Variants in SACS observed in about 807,000 individuals in gnomAD.
SACS encodes sacsin.
A neutral mutation model predicts 348.0 loss-of-function variants in SACS; 197 were observed. The observed-to-expected ratio is 0.57, with a 90% CI of 0.50 to 0.64. The LOEUF is 0.64. Among genes scored for constraint, SACS ranks in the 30% least tolerant of loss-of-function variants. The pLI is 0.00. For missense variants in SACS, 4,999 were observed against 5,360.8 expected (o/e 0.93, Z 2.11); for synonymous variants, 1,985 against 1,910.6 (o/e 1.04, Z -1.02).
chr13:23,354,495 G>C (rs765493138), intron 8 of SACS, 24 bp downstream of exon 8: 1 of 1,604,054 alleles, frequency 6.2e-7, no homozygotes. Flanking sequence ...GAGTGAACAG[G>C]AATGTTAGAA....
intron 2 of SACS, among the ~76,000 whole-genome samples, chr13:23,405,684 A>C (rs1593175904): frequency 6.6e-6 from 1 of 152,186 alleles, no homozygotes; most frequent in African/African-American, 2.4e-5. Context: ...AAGGAACTTA[A>C]ACAAATCTAC....
In SACS at chr13:23,337,753, G is replaced by C; in HGVS notation, c.6123C>G (p.Gly2041=). Residue 2041 remains glycine, a synonymous_variant, in exon 10 of 10, where the codon GGC becomes GGG. Coordinates refer to ENST00000382292, the MANE Select transcript of SACS (RefSeq NM_014363.6). ...SSVKLGFEEA[G]CKQILLENTF... ...TGTTTTCAAGTAGTATCTGTTTGCA[G>C]CCAGCTTCTTCAAATCCTAATTTTA... The C allele has an allele frequency of 6.2e-7, 1 of 1,613,892 alleles. No individual in the cohort carries two copies. Among genetic ancestry groups the C allele is most frequent in the Non-Finnish European group, 8.5e-7 (1 of 1,179,950 alleles).
At chr13:23,362,581 C>CTTTTTTTTT (rs34351648) in intron 6 of SACS, among the ~76,000 whole-genome samples, 2 of 111,854 alleles carry the variant, frequency 1.8e-5, no homozygotes, top group African/African-American at 3.2e-5. Flanking sequence ...TAATACATTC[C>CTTTTTTTTT]TTTTTTTTTT....
In SACS at chr13:23,332,102, T is replaced by C; in HGVS notation, c.11774A>G (p.Asp3925Gly). 1 of 1,614,086 alleles carries C rather than the reference T, an allele frequency of 6.2e-7. No homozygotes were observed. Among genetic ancestry groups the C allele is most frequent in the Non-Finnish European group, 8.5e-7 (1 of 1,179,968 alleles). ...RLVKSSILVF[D>G]DAPHYKSRIQ... is the part of the protein sequence containing the mutation. ...TCTACTTTTATAATGTGGCGCATCG[T>C]CAAACACTAAGATGCTTGACTTTAC... The change falls in exon 10 of 10, where the codon GAC becomes GGC. Residue 3925 changes from aspartate to glycine, a missense_variant. Asp to Gly is a moderately conservative substitution (Grantham distance 94). Transcript: ENST00000382292.
chr13:23,393,206 C>T (rs1872594679), intron 2 of SACS, among the ~76,000 whole-genome samples: 1 of 152,182 alleles, frequency 6.6e-6, no homozygotes, highest in South Asian at 2.1e-4. Context: ...CCAGAAATAG[C>T]TGGGGAAGAA....
chr13:23,410,449 A>G (rs1223812447), intron 2 of SACS, among the ~76,000 whole-genome samples: 1 of 152,192 alleles, frequency 6.6e-6, no homozygotes, highest in East Asian at 1.9e-4. Context: ...AGAGCAATAC[A>G]GTGAGTTCTT....
rs116758349 is a variant in SACS, at chr13:23,411,542, G to A, written c.-303C>T. 4.2e-3 allele frequency: 1,491 copies of A among 353,484 alleles called. 18 individuals are homozygous for A. The highest frequency in any genetic ancestry group is 0.03 in the African/African-American group (1,418 of 47,294). 21.9% of individuals were successfully genotyped at this position (353,484 alleles called of 1,614,324 possible). On this transcript the variant is annotated 5_prime_UTR_variant, in exon 2 of 10. Coordinates refer to ENST00000382292, the MANE Select transcript of SACS (RefSeq NM_014363.6). ...CAGTGTGGATTCGCTAAAGGTTTTTGGCTTTCCCCCAGAGCAAAATCAATT... is the reference window on the plus strand; with the variant it reads ...CAGTGTGGATTCGCTAAAGGTTTTTAGCTTTCCCCCAGAGCAAAATCAATT...
chr13:23,371,877 T>A (rs1380128190), intron 3 of SACS, among the ~76,000 whole-genome samples: 2 of 152,208 alleles, frequency 1.3e-5, no homozygotes, highest in Non-Finnish European at 2.9e-5. Flanking sequence ...CAGAGGTAAG[T>A]ACTAACACTG....
chr13:23,330,908 G>C lies in SACS; in HGVS notation c.12968C>G (p.Ser4323Trp). 1 of 1,613,924 alleles carries C rather than the reference G, an allele frequency of 6.2e-7. No individual in the cohort carries two copies. The highest frequency in any genetic ancestry group is 1.3e-5 in the African/African-American group (1 of 75,004). The change falls in exon 10 of 10, where the codon TCG becomes TGG. Residue 4323 changes from serine to tryptophan, a missense_variant. Transcript: ENST00000382292. ...VVEQAWKLPE[S>W]ERKKIIRRLY... ...CCGCCTAATAATCTTTTTTCGTTCCGATTCTGGAAGCTTCCATGCTTGCTC... is the reference window on the plus strand; with the variant it reads ...CCGCCTAATAATCTTTTTTCGTTCCCATTCTGGAAGCTTCCATGCTTGCTC...
Position 23,354,887 on chromosome 13 carries a change from C to T in SACS, c.1725G>A (p.Val575=). The T allele has an allele frequency of 1.9e-6, 3 of 1,614,208 alleles. No homozygotes were observed. Among genetic ancestry groups the T allele is most frequent in the South Asian group, 1.1e-5 (1 of 91,084 alleles). ...AATTTTCATCAAGTTCTGAGAAGTA[C>T]ACCTGCTCCAACCTGACCCAGTCAC... The part of the protein sequence containing the change: ...ISCDWVRLEQ[V]YFSELDENLE... Residue 575 remains valine, a synonymous_variant, in exon 8 of 10, where the codon GTG becomes GTA. Transcript: ENST00000382292.
At chr13:23,380,144 TGTGTGA>T (rs1871989918) in intron 2 of SACS, among the ~76,000 whole-genome samples, 2 of 151,504 alleles carry the variant, frequency 1.3e-5, no homozygotes, top group Admixed American at 1.3e-4. Context: ...TGTGTGTGTG[TGTGTGA>T]GAGAGAGAGA....
At position 23,337,291 on chromosome 13, in the gene SACS, T is replaced by A. The variant is rs912390732; in HGVS notation, c.6585A>T (p.Lys2195Asn). ...TTGCTCTAGGATCCCTTATTTTTAG[T>A]TTCTCATCGATAAGACTCAATAAGA... Reference protein sequence around the residue: ...SSILLSLIDEKLKIRDPRAKD... With the variant: ...SSILLSLIDENLKIRDPRAKD... Residue 2195 changes from lysine (K) to asparagine (N), a missense_variant, in exon 10 of 10, where the codon AAA (lysine) becomes AAT (asparagine). Lys to Asn is a moderately conservative substitution (Grantham distance 94, BLOSUM62 0). Around this residue, in one of 6 missense-constraint regions of SACS, gnomAD observed 3,156 missense variants for 3,380.1 expected, o/e 0.93. Transcript: ENST00000382292. The A allele has an allele frequency of 3.7e-6, 6 of 1,613,700 alleles. No homozygotes were observed. The highest frequency in any genetic ancestry group is 2.2e-5 in the East Asian group (1 of 44,882).
rs550068559 is a variant in SACS, at chr13:23,331,229, T to C, written c.12647A>G (p.Asp4216Gly). The C allele has an allele frequency of 7.4e-5, 119 of 1,613,924 alleles. 1 individual carries two copies. In the South Asian group the frequency reaches 1.2e-3, roughly 17 times the overall value. ...TATCTTTCCTAGAAAACTAGAATTG[T>C]CAGCATCTTCTCTTTCAACTTCTTG... ...IVQEVEREDA[D>G]NSSFLGKIYQ... is the part of the protein sequence containing the mutation. Residue 4216 changes from aspartate (D) to glycine (G), a missense_variant, in exon 10 of 10, where the codon GAC (aspartate) becomes GGC (glycine). Transcript: ENST00000382292.
chr13:23,403,479 G>A (rs1056052881), intron 2 of SACS, among the ~76,000 whole-genome samples: 10 of 152,120 alleles, frequency 6.6e-5, no homozygotes, highest in Admixed American at 2.0e-4. Context: ...TTAGTCTTGG[G>A]AGGGTGTATA....
In SACS at chr13:23,355,948, A is replaced by G. The variant is rs1400632068; in HGVS notation, c.664T>C (p.Phe222Leu). The change falls in exon 8 of 10, where the codon TTT becomes CTT. Residue 222 changes from phenylalanine (F) to leucine (L), a missense_variant. Around this residue, in one of 6 missense-constraint regions of SACS, gnomAD observed 3,156 missense variants for 3,380.1 expected, o/e 0.93. Coordinates refer to ENST00000382292, the MANE Select transcript of SACS (RefSeq NM_014363.6). ...IGMLDPHQTL[F>L]GPHESGQCWN... ...CATTGGCCTGATTCATGTGGGCCAA[A>G]AAGTGTTTGATGAGGATCTAGCATC... is the stretch of plus-strand genomic sequence containing the variant. 4 of 1,614,124 alleles carry G rather than the reference A, an allele frequency of 2.5e-6. No individual in the cohort carries two copies. Among genetic ancestry groups the G allele is most frequent in the Non-Finnish European group, 3.4e-6 (4 of 1,180,006 alleles).
At chr13:23,404,656 T>C (rs780070254) in intron 2 of SACS, among the ~76,000 whole-genome samples, 2 of 152,164 alleles carry the variant, frequency 1.3e-5, no homozygotes, top group Non-Finnish European at 2.9e-5. Flanking sequence ...GATGACATGA[T>C]TGCATATTTA....
intron 1 of SACS, among the ~76,000 whole-genome samples, chr13:23,420,904 G>T (rs1224672460): frequency 6.6e-6 from 1 of 152,084 alleles, no homozygotes; most frequent in African/African-American, 2.4e-5. Context: ...CAGGGACCTG[G>T]GTATTTACCT....
chr13:23,402,619 G>A (rs1281098631), intron 2 of SACS, among the ~76,000 whole-genome samples: 2 of 152,210 alleles, frequency 1.3e-5, no homozygotes, highest in East Asian at 3.8e-4. Context: ...AGAATGATAT[G>A]CACAGAATCA....
At chr13:23,351,693 G>C (rs9552933) in intron 9 of SACS, among the ~76,000 whole-genome samples, 38,960 of 152,058 alleles carry the variant, frequency 0.26, 5,266 homozygotes, top group South Asian at 0.35. Flanking sequence ...AGCTAGTTAT[G>C]AGGGTTATTA....
Sources: gnomAD v4.1 joint callset for allele counts (sites outside exome capture counted in the v4.1 genomes callset) on GRCh38, gnomAD v4.1.1 for gene constraint, gnomAD v4.1.1 regional missense constraint, MANE v1.5 for transcripts, NCBI Gene and HGNC (gene_info 2026-07-23, HGNC 2026-07-21) for gene names.